Variants in RBFOX1 observed in about 807,000 individuals in gnomAD.
RBFOX1 encodes RNA binding fox-1 homolog 1.
Under a neutral mutation model 57.7 loss-of-function variants are expected in RBFOX1, and 8 were observed. That is an observed-to-expected ratio of 0.14 (90% CI 0.08 to 0.25). RBFOX1 has a LOEUF of 0.25. Ranked by LOEUF, RBFOX1 falls within the 10% of genes least tolerant of loss-of-function variation. The pLI is 1.00. For missense variants in RBFOX1, 611 were observed against 548.5 expected (o/e 1.11, Z -1.14); for synonymous variants, 326 against 222.4 (o/e 1.47, Z -4.15).
intron 3 of RBFOX1, among the ~76,000 whole-genome samples, chr16:5,856,181 C>CTATATATA (rs1436879098): frequency 3.4e-4 from 17 of 50,030 alleles, no homozygotes; most frequent in Middle Eastern, 9.8e-3. Context: ...CTCTCTCTCT[C>CTATATATA]TCTCTCTATA....
intron 3 of RBFOX1, among the ~76,000 whole-genome samples, chr16:6,696,157 G>T (rs563410001): frequency 6.6e-6 from 1 of 152,272 alleles, no homozygotes; most frequent in East Asian, 1.9e-4. Flanking sequence ...TTTGTAGAAT[G>T]AGGAATTATT....
chr16:6,504,822 G>C (rs570566142), intron 2 of RBFOX1, among the ~76,000 whole-genome samples: 1 of 152,076 alleles, frequency 6.6e-6, no homozygotes, highest in Non-Finnish European at 1.5e-5. Flanking sequence ...TTGGGAGGCC[G>C]AGGTGGGTGA....
intron 4 of RBFOX1, among the ~76,000 whole-genome samples, chr16:7,401,596 G>A (rs1048094558): frequency 1.3e-5 from 2 of 152,210 alleles, no homozygotes; most frequent in Admixed American, 1.3e-4. Flanking sequence ...TTTATGCTCT[G>A]TGTGATTCTG....
At chr16:6,547,628 A>G (rs2153852969) in intron 2 of RBFOX1, among the ~76,000 whole-genome samples, 1 of 152,248 alleles carries the variant, frequency 6.6e-6, no homozygotes, top group African/African-American at 2.4e-5. Context: ...AACAGTCATG[A>G]CTTACAGACT....
intron 3 of RBFOX1, among the ~76,000 whole-genome samples, chr16:6,939,323 C>T (rs1409148315): frequency 6.6e-6 from 1 of 151,704 alleles, no homozygotes; most frequent in Non-Finnish European, 1.5e-5. Flanking sequence ...CAATAAATTA[C>T]CTAGAGTCAC....
At chr16:5,436,681 T>G (rs1255879847) in intron 1 of RBFOX1, among the ~76,000 whole-genome samples, 2 of 151,964 alleles carry the variant, frequency 1.3e-5, no homozygotes, top group Non-Finnish European at 2.9e-5. Flanking sequence ...CTACTCAAAA[T>G]ACAAAAATTA....
At chr16:5,290,839 C>G (rs1178942267) in intron 1 of RBFOX1, among the ~76,000 whole-genome samples, 1 of 152,084 alleles carries the variant, frequency 6.6e-6, no homozygotes, top group Non-Finnish European at 1.5e-5. Context: ...GCTGGGATTA[C>G]AGGCACCCAC....
At chr16:6,673,082 G>C (rs2098777595) in intron 3 of RBFOX1, among the ~76,000 whole-genome samples, 1 of 152,210 alleles carries the variant, frequency 6.6e-6, no homozygotes, top group African/African-American at 2.4e-5. Flanking sequence ...AGTTGGAATA[G>C]AGATTGGTCA....
chr16:5,557,336 G>C (rs2045718878), intron 2 of RBFOX1, among the ~76,000 whole-genome samples: 1 of 152,064 alleles, frequency 6.6e-6, no homozygotes. Flanking sequence ...CGTTCCTGCT[G>C]TCTGTCTGGC....
Position 7,051,655 on chromosome 16 carries a change from T to G in RBFOX1, c.-15-402T>G, listed in dbSNP as rs1434921623. Among the ~76,000 whole-genome samples, 3 of 152,164 alleles carry G rather than the reference T, an allele frequency of 2.0e-5. No homozygotes were observed. The East Asian group carries it at 5.8e-4, about 29-fold the overall frequency. On this transcript the variant is annotated intron_variant, in intron 3 of 15. Coordinates refer to ENST00000550418, the MANE Select transcript of RBFOX1 (RefSeq NM_018723.4). ...AACATTGGAGAAGACTTTGTGTGTTTTCCACTGACTTATCATGACCATCTG... is the reference window on the plus strand; with the variant it reads ...AACATTGGAGAAGACTTTGTGTGTTGTCCACTGACTTATCATGACCATCTG...
intron 2 of RBFOX1, among the ~76,000 whole-genome samples, chr16:6,622,855 T>C (rs1287972706): frequency 6.6e-6 from 1 of 152,174 alleles, no homozygotes; most frequent in Non-Finnish European, 1.5e-5. Flanking sequence ...AAATTTAGTT[T>C]TTGTTGTTTT....
chr16:6,505,890 A>G (rs746497366), intron 2 of RBFOX1, among the ~76,000 whole-genome samples: 1 of 152,202 alleles, frequency 6.6e-6, no homozygotes, highest in African/African-American at 2.4e-5. Flanking sequence ...AATGGGCGAA[A>G]GTGACAGAGA....
At chr16:5,281,618 G>A (rs1257398447) in intron 1 of RBFOX1, among the ~76,000 whole-genome samples, 1 of 152,118 alleles carries the variant, frequency 6.6e-6, no homozygotes, top group Non-Finnish European at 1.5e-5. Flanking sequence ...TATGTTGGTT[G>A]CATGCATATT....
intron 2 of RBFOX1, among the ~76,000 whole-genome samples, chr16:6,512,771 G>A (rs1366548139): frequency 1.3e-5 from 2 of 152,176 alleles, no homozygotes. Flanking sequence ...GTCAGCAGGA[G>A]CAAGAGGATG....
intron 1 of RBFOX1, among the ~76,000 whole-genome samples, chr16:6,048,097 C>A (rs534571797): frequency 6.6e-6 from 1 of 152,110 alleles, no homozygotes; most frequent in Non-Finnish European, 1.5e-5. Flanking sequence ...TTAATATGTG[C>A]GCAGCATTTT....
At chr16:7,141,373 C>T (rs148266581) in intron 4 of RBFOX1, among the ~76,000 whole-genome samples, 215 of 152,190 alleles carry the variant, frequency 1.4e-3, no homozygotes, top group African/African-American at 5.0e-3. Flanking sequence ...AGGACCCCTT[C>T]TCTGATGGAC....
chr16:6,297,095 G>C (rs557347627), intron 1 of RBFOX1, among the ~76,000 whole-genome samples: 2 of 152,280 alleles, frequency 1.3e-5, no homozygotes, highest in South Asian at 4.1e-4. Context: ...TTTATAAACT[G>C]TCATGGTGCT....
chr16:6,369,039 A>C (rs1436913178), intron 2 of RBFOX1, among the ~76,000 whole-genome samples: 1 of 152,212 alleles, frequency 6.6e-6, no homozygotes, highest in Non-Finnish European at 1.5e-5. Context: ...ACTATGGAAA[A>C]TAATGTGAAA....
At chr16:7,283,793 G>C (rs577435197) in intron 4 of RBFOX1, among the ~76,000 whole-genome samples, 1 of 152,130 alleles carries the variant, frequency 6.6e-6, no homozygotes, top group Non-Finnish European at 1.5e-5. Context: ...GGTTTACTGA[G>C]GCATAATTTA....
Sources: allele counts gnomAD v4.1 joint callset (sites outside exome capture counted in the v4.1 genomes callset), GRCh38; gene constraint gnomAD v4.1.1; transcripts MANE v1.5; gene names NCBI Gene and HGNC (gene_info 2026-07-23, HGNC 2026-07-21).